The following EXOC4 variants were observed in gnomAD, a reference collection of about 807,000 sequenced individuals.
The protein encoded by EXOC4 is SEC8-like 1.
EXOC4 carries 71 observed loss-of-function variants against 107.2 expected under a neutral mutation model. The observed-to-expected ratio is 0.66, with a 90% confidence interval of 0.55 to 0.81. EXOC4 has a LOEUF of 0.81. Among genes scored for constraint, EXOC4 ranks in the 30% least tolerant of loss-of-function variants. The pLI, the probability that EXOC4 is intolerant of heterozygous loss-of-function variation, is 0.00. For missense variants in EXOC4, 1,108 were observed against 1,189.6 expected (o/e 0.93, Z 1.01); for synonymous variants, 456 against 441.2 (o/e 1.03, Z -0.42).
At chr7:133,646,506 A>G (rs909929591) in intron 10 of EXOC4, among the ~76,000 whole-genome samples, 2 of 151,972 alleles carry the variant, frequency 1.3e-5, no homozygotes, top group African/African-American at 2.4e-5. Context: ...ATATTTCTAA[A>G]ATTTCTGTTT....
chr7:133,441,954 G>T (rs1798115226), intron 7 of EXOC4, among the ~76,000 whole-genome samples: 2 of 152,178 alleles, frequency 1.3e-5, no homozygotes, highest in Non-Finnish European at 2.9e-5. Context: ...ACAGTGCATT[G>T]CTGCTGGCTG....
intron 11 of EXOC4, among the ~76,000 whole-genome samples, chr7:133,887,735 C>T (rs1157120461): frequency 6.6e-6 from 1 of 152,150 alleles, no homozygotes; most frequent in Admixed American, 6.6e-5. Flanking sequence ...GCTCATCTTC[C>T]CTGCAATGTT....
chr7:133,842,519 T>C (rs1798043434), intron 11 of EXOC4, among the ~76,000 whole-genome samples: 1 of 152,226 alleles, frequency 6.6e-6, no homozygotes, highest in Non-Finnish European at 1.5e-5. Flanking sequence ...TAAATTTGTT[T>C]CAGTTCCTAA....
intron 5 of EXOC4, among the ~76,000 whole-genome samples, chr7:133,318,069 G>T (rs1470773792): frequency 1.3e-5 from 2 of 152,182 alleles, no homozygotes; most frequent in African/African-American, 4.8e-5. Flanking sequence ...TTTATCTCAT[G>T]TATTGCATTC....
chr7:133,800,564 A>G (rs544887807), intron 10 of EXOC4, among the ~76,000 whole-genome samples: 1 of 152,240 alleles, frequency 6.6e-6, no homozygotes, highest in Non-Finnish European at 1.5e-5. Context: ...ATATCACATT[A>G]TTAAGTAATA....
rs35334259 is a variant in EXOC4 at position 133,412,278 on chromosome 7, G to GTTTTTTTTTTTTTTTTTTT, written c.1182+37281_1182+37299dup. ...ATCTGGTCAATACTGTCAGAATTCA[G>GTTTTTTTTTTTTTTTTTTT]TTTTTTTTTTTTTTTTTTTTTTTGC... is the stretch of plus-strand genomic sequence containing the variant. On this transcript the variant is annotated intron_variant, in intron 7 of 17. Coordinates refer to ENST00000253861, the MANE Select transcript of EXOC4 (RefSeq NM_021807.4). Among the ~76,000 whole-genome samples the GTTTTTTTTTTTTTTTTTTT allele has an allele frequency of 1.4e-4, 10 of 71,482 alleles. 1 individual carries two copies. The highest frequency in any genetic ancestry group is 1.1e-3 in the East Asian group (2 of 1,902). The allele number at this position is 71,482 out of a possible 152,430, so 46.9% of individuals were successfully genotyped here.
intron 11 of EXOC4, among the ~76,000 whole-genome samples, chr7:133,867,067 G>A (rs577777557): frequency 1.3e-5 from 2 of 152,290 alleles, no homozygotes; most frequent in South Asian, 2.1e-4. Flanking sequence ...ACTGGAGCCT[G>A]TATGGAAACT....
At chr7:133,349,622 A>T (rs981628978) in intron 5 of EXOC4, among the ~76,000 whole-genome samples, 2 of 152,138 alleles carry the variant, frequency 1.3e-5, no homozygotes, top group African/African-American at 4.8e-5. Flanking sequence ...TATGAAAATG[A>T]GTGTACTCTT....
At chr7:133,480,384 A>T (rs1799126319) in intron 9 of EXOC4, 2 of 1,302,114 alleles carry the variant, frequency 1.5e-6, no homozygotes, top group South Asian at 3.4e-5. Context: ...AGATGAGGCC[A>T]GGCTCGTCTT....
At chr7:133,901,844 G>A (rs1799458450) in intron 12 of EXOC4, among the ~76,000 whole-genome samples, 1 of 152,058 alleles carries the variant, frequency 6.6e-6, no homozygotes, top group African/African-American at 2.4e-5. Context: ...ATGCAGGCCT[G>A]TTATGGACAA....
intron 14 of EXOC4, among the ~76,000 whole-genome samples, chr7:133,995,348 T>A (rs1339218790): frequency 1.3e-5 from 2 of 152,198 alleles, no homozygotes; most frequent in Admixed American, 1.3e-4. Context: ...GAGTGAGACT[T>A]CAAAGTCCAA....
chr7:133,420,702 G>C (rs1043699309), intron 7 of EXOC4, among the ~76,000 whole-genome samples: 2 of 152,060 alleles, frequency 1.3e-5, no homozygotes, highest in Non-Finnish European at 2.9e-5. Flanking sequence ...ACATTCCTTA[G>C]ACGATTACAT....
chr7:133,473,763 C>T (rs537095377), intron 7 of EXOC4, among the ~76,000 whole-genome samples: 5 of 151,434 alleles, frequency 3.3e-5, no homozygotes, highest in East Asian at 3.9e-4. Context: ...TGCAGAGGCG[C>T]GATCTCTGCT....
At chr7:133,936,562 A>G (rs866911523) in intron 13 of EXOC4, among the ~76,000 whole-genome samples, 31 of 151,952 alleles carry the variant, frequency 2.0e-4, no homozygotes, top group African/African-American at 6.8e-4. Flanking sequence ...GCCTATTTCA[A>G]CCTCCTCCAG....
At chr7:133,355,891 G>A (rs1356951359) in intron 5 of EXOC4, among the ~76,000 whole-genome samples, 1 of 152,022 alleles carries the variant, frequency 6.6e-6, no homozygotes. Context: ...TCTTCCCCCT[G>A]TGTGTATTCA....
intron 9 of EXOC4, among the ~76,000 whole-genome samples, chr7:133,535,235 A>C (rs1157788449): frequency 6.6e-6 from 1 of 152,128 alleles, no homozygotes; most frequent in African/African-American, 2.4e-5. Flanking sequence ...GATTTTACTC[A>C]TGAAGTTCTG....
chr7:133,759,104 G>A (rs1795979955), intron 10 of EXOC4, among the ~76,000 whole-genome samples: 1 of 151,638 alleles, frequency 6.6e-6, no homozygotes, highest in Non-Finnish European at 1.5e-5. Context: ...ACACCTCCTA[G>A]CCCAGCTAAT....
chr7:133,381,515 G>A (rs1391955612), intron 7 of EXOC4, among the ~76,000 whole-genome samples: 2 of 151,934 alleles, frequency 1.3e-5, no homozygotes, highest in East Asian at 3.9e-4. Context: ...ATTTGCAAGT[G>A]GCAAAAAAGG....
At chr7:133,982,291 G>T (rs972070048) in intron 14 of EXOC4, among the ~76,000 whole-genome samples, 14 of 152,170 alleles carry the variant, frequency 9.2e-5, no homozygotes, top group Non-Finnish European at 1.3e-4. Context: ...GGTGGCTCAC[G>T]CCTGTAATCC....
Sources: allele counts gnomAD v4.1 joint callset (sites outside exome capture counted in the v4.1 genomes callset), GRCh38; gene constraint gnomAD v4.1.1; transcripts MANE v1.5; gene names NCBI Gene and HGNC (gene_info 2026-07-23, HGNC 2026-07-21).